Variants in RFX3 observed in about 807,000 individuals in gnomAD.
RFX3 encodes regulatory factor X3, also known as transcription factor RFX3.
RFX3 carries 14 observed loss-of-function variants against 98.6 expected under a neutral mutation model. The observed-to-expected ratio is 0.14, with a 90% CI of 0.09 to 0.22. RFX3 has a LOEUF of 0.22. Among genes scored for constraint, RFX3 ranks in the 10% least tolerant of loss-of-function variants. RFX3 has a pLI of 1.00. For missense variants in RFX3, 639 were observed against 926.9 expected (o/e 0.69, Z 4.03); for synonymous variants, 383 against 328.4 (o/e 1.17, Z -1.80).
intron 1 of RFX3, among the ~76,000 whole-genome samples, chr9:3,522,953 G>C (rs766458655): frequency 6.6e-6 from 1 of 152,034 alleles, no homozygotes; most frequent in Non-Finnish European, 1.5e-5. Context: ...CCAAAGCAGA[G>C]TACAAGACTA....
intron 3 of RFX3, among the ~76,000 whole-genome samples, chr9:3,332,478 G>A (rs565379777): frequency 6.6e-6 from 1 of 152,220 alleles, no homozygotes; most frequent in African/African-American, 2.4e-5. Flanking sequence ...TCAGATTTTG[G>A]ATTTTGCATT....
At chr9:3,249,167 C>T (rs1050676855) in intron 14 of RFX3, among the ~76,000 whole-genome samples, 2 of 151,990 alleles carry the variant, frequency 1.3e-5, no homozygotes, top group Non-Finnish European at 2.9e-5. Context: ...ACCTATGCCT[C>T]GTTTTACAGT....
intron 4 of RFX3, among the ~76,000 whole-genome samples, chr9:3,307,819 C>A (rs1829506400): frequency 6.6e-6 from 1 of 152,168 alleles, no homozygotes; most frequent in Admixed American, 6.6e-5. Flanking sequence ...CTTGTGACAA[C>A]CTAAGTTAGA....
chr9:3,303,149 T>TG (rs778226246), intron 4 of RFX3, among the ~76,000 whole-genome samples: 5 of 151,868 alleles, frequency 3.3e-5, no homozygotes, highest in Admixed American at 6.6e-5. Flanking sequence ...CCAGAATGGA[T>TG]GTTAATGCAG....
At chr9:3,385,600 C>G (rs955979016) in intron 2 of RFX3, among the ~76,000 whole-genome samples, 1 of 150,336 alleles carries the variant, frequency 6.7e-6, no homozygotes, top group Admixed American at 6.7e-5. Context: ...CCCAGCTACT[C>G]AAGAGGCTGA....
intron 2 of RFX3, among the ~76,000 whole-genome samples, chr9:3,350,508 T>C (rs1834980255): frequency 1.3e-5 from 2 of 152,100 alleles, no homozygotes; most frequent in African/African-American, 4.8e-5. Context: ...ACGTTGGTAG[T>C]TTCTAACAAC....
intron 1 of RFX3, among the ~76,000 whole-genome samples, chr9:3,457,464 T>C (rs73639896): frequency 0.011 from 1,703 of 152,302 alleles, 27 homozygotes; most frequent in African/African-American, 0.035. Flanking sequence ...AATTTGAGTA[T>C]CATTTTATTT....
intron 4 of RFX3, among the ~76,000 whole-genome samples, chr9:3,321,743 T>C (rs940811818): frequency 1.3e-5 from 2 of 152,186 alleles, no homozygotes; most frequent in African/African-American, 4.8e-5. Flanking sequence ...TTCTGGATTT[T>C]ATATTATGCT....
intron 1 of RFX3, among the ~76,000 whole-genome samples, chr9:3,473,057 T>C (rs1355764620): frequency 6.6e-6 from 1 of 152,174 alleles, no homozygotes; most frequent in African/African-American, 2.4e-5. Flanking sequence ...AGAATGTTGC[T>C]GAGGAGCAAC....
At chr9:3,269,055 T>C (rs1206283203) in intron 11 of RFX3, among the ~76,000 whole-genome samples, 2 of 151,986 alleles carry the variant, frequency 1.3e-5, no homozygotes, top group African/African-American at 2.4e-5. Context: ...GTAGAGAATT[T>C]AGCTAGTGAA....
chr9:3,319,501 T>C (rs1041731597), intron 4 of RFX3, among the ~76,000 whole-genome samples: 3 of 152,184 alleles, frequency 2.0e-5, no homozygotes, highest in Non-Finnish European at 4.4e-5. Flanking sequence ...CATTCATGAT[T>C]CTCTTTCACT....
chr9:3,435,061 A>G (rs554618031), intron 1 of RFX3, among the ~76,000 whole-genome samples: 4 of 152,056 alleles, frequency 2.6e-5, no homozygotes, highest in Admixed American at 2.6e-4. Context: ...GTATATTTGT[A>G]TTAGGCACTT....
chr9:3,243,123 G>C (rs1465140559), intron 15 of RFX3, among the ~76,000 whole-genome samples: 2 of 151,950 alleles, frequency 1.3e-5, no homozygotes, highest in Non-Finnish European at 2.9e-5. Context: ...TGTCTGGTCA[G>C]AGTTGTATGG....
intron 1 of RFX3, among the ~76,000 whole-genome samples, chr9:3,512,524 T>C (rs1411690549): frequency 6.6e-6 from 1 of 151,934 alleles, no homozygotes; most frequent in Non-Finnish European, 1.5e-5. Context: ...TTGTGTTTTT[T>C]ATATATTAAT....
At chr9:3,351,647 A>G (rs955723114) in intron 2 of RFX3, among the ~76,000 whole-genome samples, 1 of 152,022 alleles carries the variant, frequency 6.6e-6, no homozygotes, top group Admixed American at 6.6e-5. Flanking sequence ...AACATGTTAG[A>G]ACATAGGTGG....
At chr9:3,372,550 C>CTTT (rs553629010) in intron 2 of RFX3, among the ~76,000 whole-genome samples, 3 of 135,662 alleles carry the variant, frequency 2.2e-5, no homozygotes, top group South Asian at 2.4e-4. Flanking sequence ...TTCTTTCTTT[C>CTTT]TTTTTTTTTT....
chr9:3,358,701 G>T (rs2131350002), intron 2 of RFX3, among the ~76,000 whole-genome samples: 1 of 152,096 alleles, frequency 6.6e-6, no homozygotes, highest in Non-Finnish European at 1.5e-5. Context: ...ACACTGCTAT[G>T]AAAAAATACC....
chr9:3,243,924 C>T (rs1820288860), intron 15 of RFX3, among the ~76,000 whole-genome samples: 1 of 152,134 alleles, frequency 6.6e-6, no homozygotes, highest in Non-Finnish European at 1.5e-5. Context: ...AACCTGATTT[C>T]ACAATTTAGT....
In RFX3 at chr9:3,471,883, T is replaced by C. The variant is rs577864932; in HGVS notation, c.-9+53864A>G. 1.3e-3 allele frequency among the ~76,000 whole-genome samples: 191 copies of C among 152,318 alleles called. 4 individuals are homozygous for C. Among genetic ancestry groups the C allele is most frequent in the Admixed American group, 0.012 (188 of 15,298 alleles). ...CAAATGCACTGCGATTACTGAATGA[T>C]CTTATTTAGTAAACCAGCTTCTTGC... On this transcript the variant is annotated intron_variant, in intron 1 of 16. Coordinates refer to ENST00000617270, the MANE Select transcript of RFX3 (RefSeq NM_001282116.2).
Sources: gnomAD v4.1 joint callset for allele counts (sites outside exome capture counted in the v4.1 genomes callset) on GRCh38, gnomAD v4.1.1 for gene constraint, MANE v1.5 for transcripts, NCBI Gene and HGNC (gene_info 2026-07-23, HGNC 2026-07-21) for gene names.